The following LRRIQ3 variants were observed in gnomAD, a reference collection of about 807,000 sequenced individuals.
LRRIQ3 encodes leucine-rich repeat and IQ domain-containing protein 3.
A neutral mutation model predicts 59.3 loss-of-function variants in LRRIQ3; 75 were observed. The observed-to-expected ratio is 1.26, with a 90% CI of 1.05 to 1.53. LRRIQ3 has a LOEUF of 1.53. Ranked by LOEUF, LRRIQ3 falls within the 40% of genes most tolerant of loss-of-function variation. The probability of loss-of-function intolerance (pLI) is 0.00; values close to 1 mark genes in which losing one functional copy is unlikely to be tolerated. For missense variants in LRRIQ3, 831 were observed against 710.0 expected (o/e 1.17, Z -1.94); for synonymous variants, 250 against 231.3 (o/e 1.08, Z -0.73).
intron 6 of LRRIQ3, among the ~76,000 whole-genome samples, chr1:74,047,992 T>G (rs1325890461): frequency 6.6e-6 from 1 of 152,102 alleles, no homozygotes; most frequent in Admixed American, 6.6e-5. Context: ...AGAAAGGCCA[T>G]ATGGACACAG....
At chr1:74,145,564 C>T (rs1375148082) in intron 4 of LRRIQ3, among the ~76,000 whole-genome samples, 2 of 152,066 alleles carry the variant, frequency 1.3e-5, no homozygotes, top group Non-Finnish European at 2.9e-5. Context: ...AAATTACTTG[C>T]TTTAATCAAT....
intron 7 of LRRIQ3, among the ~76,000 whole-genome samples, chr1:74,036,477 A>G (rs1322595135): frequency 6.6e-6 from 1 of 152,180 alleles, no homozygotes; most frequent in Admixed American, 6.5e-5. Context: ...TTCATTTTAG[A>G]AAGCTTCTAG....
chr1:74,151,907 C>A (rs1266205028), intron 4 of LRRIQ3, among the ~76,000 whole-genome samples: 2 of 151,956 alleles, frequency 1.3e-5, no homozygotes, highest in Non-Finnish European at 2.9e-5. Context: ...GTTTTAAATA[C>A]TAAAATAAGA....
chr1:74,098,491 T>C (rs1646482044), intron 5 of LRRIQ3, among the ~76,000 whole-genome samples: 1 of 152,086 alleles, frequency 6.6e-6, no homozygotes, highest in African/African-American at 2.4e-5. Flanking sequence ...ATTAGGCAGA[T>C]CAACGAGACA....
intron 4 of LRRIQ3, among the ~76,000 whole-genome samples, chr1:74,137,646 A>G (rs1456452838): frequency 1.3e-5 from 2 of 152,146 alleles, no homozygotes; most frequent in South Asian, 4.1e-4. Flanking sequence ...ATGCACAGGT[A>G]TGTTTATTGC....
In LRRIQ3 at chr1:74,153,508, A is replaced by T. The variant is rs77948800; in HGVS notation, c.707+2225T>A. ...TCTTACTTTCACCTTTCCATGCATG[A>T]ATCCAGATCTGATTTCAGCTCCCAC... On this transcript the variant is annotated intron_variant, in intron 4 of 7. Coordinates refer to ENST00000354431, the MANE Select transcript of LRRIQ3 (RefSeq NM_001105659.2). Among the ~76,000 whole-genome samples the T allele has an allele frequency of 2.6e-3, 392 of 152,254 alleles. 2 individuals carry two copies. Among genetic ancestry groups the T allele is most frequent in the African/African-American group, 9.2e-3 (381 of 41,554 alleles).
In LRRIQ3 at chr1:74,155,793, T is replaced by C. The variant is rs746043054; in HGVS notation, c.647A>G (p.Asn216Ser). The C allele has an allele frequency of 1.3e-6, 2 of 1,586,322 alleles. No individual in the cohort carries two copies. Among genetic ancestry groups the C allele is most frequent in the African/African-American group, 2.7e-5 (2 of 73,726 alleles). The change falls in exon 4 of 8, where the codon AAT becomes AGT. Residue 216 changes from asparagine to serine, a missense_variant. Asn to Ser is a conservative substitution (Grantham distance 46, BLOSUM62 1). Coordinates refer to ENST00000354431, the MANE Select transcript of LRRIQ3 (RefSeq NM_001105659.2). ...TSKINAILAHNSPVLIVQRWI... is the reference protein window; with the variant it reads ...TSKINAILAHSSPVLIVQRWI... ...TCTTTGAACAATCAAAACTGGTGAATTATGAGCCAGAATTGCATTAATTTT... is the reference window on the plus strand; with the variant it reads ...TCTTTGAACAATCAAAACTGGTGAACTATGAGCCAGAATTGCATTAATTTT...
At chr1:74,170,386 T>C (rs950205400) in intron 3 of LRRIQ3, among the ~76,000 whole-genome samples, 151 of 152,328 alleles carry the variant, frequency 9.9e-4, no homozygotes, top group African/African-American at 3.5e-3. Flanking sequence ...TTGATATGGA[T>C]ATCCAGTTTT....
rs562119014 is a variant in LRRIQ3 at position 74,189,671 on chromosome 1, C to T, written c.1-5987G>A. 1.5e-3 allele frequency among the ~76,000 whole-genome samples: 232 copies of T among 152,116 alleles called. 1 individual carries two copies. Among genetic ancestry groups the T allele is most frequent in the African/African-American group, 5.4e-3 (226 of 41,508 alleles). On this transcript the variant is annotated intron_variant, in intron 1 of 7. Coordinates refer to ENST00000354431, the MANE Select transcript of LRRIQ3 (RefSeq NM_001105659.2). ...ATGATGGTGGCAGTTTTCTCCATAC[C>T]GTTCTTGTGGTAGTGAATAAGTCTC...
chr1:74,147,243 C>T (rs957928390), intron 4 of LRRIQ3, among the ~76,000 whole-genome samples: 6 of 152,014 alleles, frequency 3.9e-5, no homozygotes, highest in Non-Finnish European at 8.8e-5. Flanking sequence ...AAAAGAATTG[C>T]CTACGAACAA....
intron 4 of LRRIQ3, among the ~76,000 whole-genome samples, chr1:74,140,245 A>G (rs1217857228): frequency 6.6e-6 from 1 of 151,896 alleles, no homozygotes; most frequent in Non-Finnish European, 1.5e-5. Context: ...TAAATATGCA[A>G]AAACTAAATA....
At chr1:74,169,807 C>A (rs1156480195) in intron 3 of LRRIQ3, among the ~76,000 whole-genome samples, 2 of 152,106 alleles carry the variant, frequency 1.3e-5, no homozygotes, top group African/African-American at 4.8e-5. Context: ...GCCTCAGCCT[C>A]CCAAAACACT....
At chr1:74,187,866 T>C (rs755826920) in intron 1 of LRRIQ3, among the ~76,000 whole-genome samples, 2 of 152,168 alleles carry the variant, frequency 1.3e-5, no homozygotes, top group Non-Finnish European at 2.9e-5. Context: ...GTGTGGCAAT[T>C]TCCCAAAGAC....
chr1:74,171,780 T>A (rs1649336224), intron 3 of LRRIQ3, among the ~76,000 whole-genome samples: 1 of 152,180 alleles, frequency 6.6e-6, no homozygotes, highest in African/African-American at 2.4e-5. Context: ...AGAGAGGAAT[T>A]TGATTACATA....
At chr1:74,091,333 C>A (rs944308506) in intron 5 of LRRIQ3, among the ~76,000 whole-genome samples, 1 of 151,936 alleles carries the variant, frequency 6.6e-6, no homozygotes, top group Non-Finnish European at 1.5e-5. Context: ...GAGGAAAGTA[C>A]CTTCATTCTA....
chr1:74,028,836 A>C (rs542374468), intron 7 of LRRIQ3, among the ~76,000 whole-genome samples: 15 of 152,114 alleles, frequency 9.9e-5, no homozygotes, highest in Admixed American at 2.0e-4. Context: ...GTAGTAGCTA[A>C]AAGTTAGCTA....
chr1:74,164,233 A>G (rs1648834011), intron 3 of LRRIQ3, among the ~76,000 whole-genome samples: 1 of 151,460 alleles, frequency 6.6e-6, no homozygotes, highest in African/African-American at 2.4e-5. Context: ...AAATTCATAT[A>G]CTGAATTACT....
chr1:74,198,067 G>T lies in LRRIQ3; in HGVS notation c.-72C>A. On this transcript the variant is annotated 5_prime_UTR_variant, in exon 1 of 8. Coordinates refer to ENST00000354431, the MANE Select transcript of LRRIQ3 (RefSeq NM_001105659.2). Reference sequence around the variant, plus strand: ...CAGCCCCAACACAGTCAGACAAATCGCTGGGCGGCCATCTGCTCCTGAGAC... The same window carrying T: ...CAGCCCCAACACAGTCAGACAAATCTCTGGGCGGCCATCTGCTCCTGAGAC... The T allele has an allele frequency of 2.9e-6, 3 of 1,030,866 alleles. No homozygotes were observed. The highest frequency in any genetic ancestry group is 3.0e-5 in the Admixed American group (1 of 33,592). The allele number at this position is 1,030,866 out of a possible 1,614,324, so 63.9% of individuals were successfully genotyped here.
At chr1:74,053,966 A>C (rs1654448100) in intron 6 of LRRIQ3, among the ~76,000 whole-genome samples, 1 of 152,124 alleles carries the variant, frequency 6.6e-6, no homozygotes, top group Non-Finnish European at 1.5e-5. Context: ...TGTTTACAAA[A>C]CTAAAGATAT....
Sources: allele counts gnomAD v4.1 joint callset (sites outside exome capture counted in the v4.1 genomes callset), GRCh38; gene constraint gnomAD v4.1.1; transcripts MANE v1.5; gene names NCBI Gene and HGNC (gene_info 2026-07-23, HGNC 2026-07-21).